Variants in LRP1B observed in about 807,000 individuals in gnomAD.
LRP1B encodes LDL receptor related protein 1B.
Under a neutral mutation model 556.6 loss-of-function variants are expected in LRP1B, and 217 were observed. The ratio of observed to expected loss-of-function variants is 0.39; its 90% confidence interval spans 0.35 to 0.44. LRP1B has a LOEUF of 0.44. LRP1B is among the 20% of genes least tolerant of loss of function. LRP1B has a pLI of 1.00. For missense variants in LRP1B, 5,053 were observed against 5,620.8 expected, an observed-to-expected ratio of 0.90 and a Z score of 3.23; for synonymous variants, 2,047 against 1,865.8, an observed-to-expected ratio of 1.10 and a Z score of -2.50.
At chr2:141,501,261 T>G (rs1320160278) in intron 2 of LRP1B, among the ~76,000 whole-genome samples, 1 of 152,118 alleles carries the variant, frequency 6.6e-6, no homozygotes, top group East Asian at 1.9e-4. Context: ...AATACACTAA[T>G]AAATTCAAGC....
At chr2:141,534,938 A>G (rs1559126157) in intron 2 of LRP1B, among the ~76,000 whole-genome samples, 1 of 152,104 alleles carries the variant, frequency 6.6e-6, no homozygotes, top group South Asian at 2.1e-4. Context: ...GGTTTGGTAT[A>G]TCTTTTTTGA....
chr2:140,494,923 T>C (rs545677494), intron 56 of LRP1B, among the ~76,000 whole-genome samples: 140 of 152,218 alleles, frequency 9.2e-4, no homozygotes, highest in Non-Finnish European at 1.6e-3. Flanking sequence ...TTAGTCACCA[T>C]TTTTTTGCCC....
At chr2:140,939,506 AATTAT>A (rs970665921) in intron 20 of LRP1B, among the ~76,000 whole-genome samples, 3 of 148,094 alleles carry the variant, frequency 2.0e-5, no homozygotes, top group East Asian at 2.0e-4. Flanking sequence ...TATAATATAA[AATTAT>A]ATTATAAATA....
chr2:140,615,309 A>G (rs571491345), intron 41 of LRP1B, among the ~76,000 whole-genome samples: 1 of 152,066 alleles, frequency 6.6e-6, no homozygotes, highest in Admixed American at 6.6e-5. Context: ...TCCCTGACCC[A>G]ACAATCATCA....
At chr2:140,308,341 C>G (rs191080372) in intron 83 of LRP1B, among the ~76,000 whole-genome samples, 199 of 151,218 alleles carry the variant, frequency 1.3e-3, no homozygotes, top group African/African-American at 4.7e-3. Flanking sequence ...GATTTATTTT[C>G]CTCTATCTAC....
intron 2 of LRP1B, among the ~76,000 whole-genome samples, chr2:141,669,902 G>A (rs896964063): frequency 7.2e-5 from 11 of 151,832 alleles, no homozygotes; most frequent in Non-Finnish European, 1.2e-4. Flanking sequence ...TTACAGGCAC[G>A]TGCCACCATG....
At chr2:140,290,281 AAG>A (rs1412642328) in intron 84 of LRP1B, among the ~76,000 whole-genome samples, 3 of 152,060 alleles carry the variant, frequency 2.0e-5, no homozygotes, top group African/African-American at 7.2e-5. Flanking sequence ...TGTCACGTAA[AAG>A]AGGTATTAAC....
At chr2:141,361,077 G>T (rs1453150512) in intron 3 of LRP1B, among the ~76,000 whole-genome samples, 1 of 152,020 alleles carries the variant, frequency 6.6e-6, no homozygotes, top group Non-Finnish European at 1.5e-5. Context: ...ATGCTAAAAG[G>T]TAAGCCACAC....
chr2:142,005,734 A>T (rs1702779982), intron 1 of LRP1B, among the ~76,000 whole-genome samples: 2 of 152,082 alleles, frequency 1.3e-5, no homozygotes, highest in Non-Finnish European at 2.9e-5. Flanking sequence ...AAGCTATTTC[A>T]ATATGAAAAG....
intron 2 of LRP1B, among the ~76,000 whole-genome samples, chr2:141,743,486 C>CTTTTTTTTTTTTTCTTTTTT (rs1693787238): frequency 3.7e-5 from 4 of 108,042 alleles, no homozygotes; most frequent in South Asian, 6.3e-4. Context: ...CTGCTTTTTT[C>CTTTTTTTTTTTTTCTTTTTT]TTTTTTTTTT....
chr2:140,543,788 T>G (rs1050714562), intron 43 of LRP1B, among the ~76,000 whole-genome samples: 16 of 152,126 alleles, frequency 1.1e-4, no homozygotes, highest in South Asian at 8.3e-4. Flanking sequence ...TAACAGAATC[T>G]ACAACAAATG....
At chr2:140,486,485 G>A (rs899214145) in intron 58 of LRP1B, among the ~76,000 whole-genome samples, 1 of 151,854 alleles carries the variant, frequency 6.6e-6, no homozygotes, top group African/African-American at 2.4e-5. Flanking sequence ...GAATAAAGAT[G>A]TATTTTATCT....
chr2:141,568,957 A>G (rs1378165032), intron 2 of LRP1B, among the ~76,000 whole-genome samples: 2 of 149,764 alleles, frequency 1.3e-5, no homozygotes, highest in Admixed American at 6.7e-5. Flanking sequence ...TAGTAGAGAC[A>G]GGGTTTCACC....
intron 1 of LRP1B, among the ~76,000 whole-genome samples, chr2:141,818,586 T>G (rs936081764): frequency 3.0e-4 from 43 of 143,786 alleles, no homozygotes; most frequent in African/African-American, 5.2e-4. Context: ...ACCCAGGCTG[T>G]AGTGCAGTGG....
intron 1 of LRP1B, among the ~76,000 whole-genome samples, chr2:141,978,214 C>A (rs150166005): frequency 6.6e-6 from 1 of 151,932 alleles, no homozygotes; most frequent in Non-Finnish European, 1.5e-5. Flanking sequence ...TTCTGAAAAA[C>A]ACAACGTCTA....
At chr2:141,387,130 T>A (rs990286703) in intron 3 of LRP1B, among the ~76,000 whole-genome samples, 6 of 151,808 alleles carry the variant, frequency 4.0e-5, no homozygotes, top group Non-Finnish European at 8.8e-5. Context: ...CAAGGGAAAT[T>A]AGAAAATACC....
intron 3 of LRP1B, among the ~76,000 whole-genome samples, chr2:141,276,801 C>T (rs530036995): frequency 4.0e-5 from 6 of 151,806 alleles, no homozygotes; most frequent in African/African-American, 7.3e-5. Flanking sequence ...GGACTACAAG[C>T]GGCCGCCACC....
At chr2:141,472,248 A>T (rs62166283) in intron 3 of LRP1B, among the ~76,000 whole-genome samples, 1 of 152,044 alleles carries the variant, frequency 6.6e-6, no homozygotes, top group Non-Finnish European at 1.5e-5. Context: ...TTGTTGACTT[A>T]CACCTATTTA....
intron 2 of LRP1B, among the ~76,000 whole-genome samples, chr2:141,545,501 A>G (rs531204497): frequency 1.4e-4 from 22 of 152,140 alleles, no homozygotes; most frequent in Non-Finnish European, 2.9e-4. Flanking sequence ...AGATGAAAAG[A>G]TAATTCTGGA....
Sources: gnomAD v4.1 joint callset for allele counts (sites outside exome capture counted in the v4.1 genomes callset) on GRCh38, gnomAD v4.1.1 for gene constraint, MANE v1.5 for transcripts, NCBI Gene and HGNC (gene_info 2026-07-23, HGNC 2026-07-21) for gene names.